PARVA: variants seen among roughly 807,000 people sequenced by gnomAD.
The protein encoded by PARVA is parvin alpha.
Under a neutral mutation model 52.6 loss-of-function variants are expected in PARVA, and 25 were observed. The observed-to-expected ratio is 0.48, with a 90% CI of 0.35 to 0.66. The LOEUF (loss-of-function observed/expected upper bound fraction) is 0.66, where lower values mean the gene tolerates loss of function less well. Among genes scored for constraint, PARVA ranks in the 30% least tolerant of loss-of-function variants. The pLI is 0.01. For synonymous variants in PARVA, 185 were observed against 179.1 expected (o/e 1.03, Z -0.26); for missense variants, 373 against 450.9 (o/e 0.83, Z 1.56).
At chr11:12,476,090 G>C (rs182559772) in intron 3 of PARVA, among the ~76,000 whole-genome samples, 1 of 152,302 alleles carries the variant, frequency 6.6e-6, no homozygotes, top group Admixed American at 6.5e-5. Context: ...AGACCTCTAA[G>C]GGTAAGGACG....
At chr11:12,427,155 A>G (rs919548412) in intron 1 of PARVA, among the ~76,000 whole-genome samples, 2 of 152,246 alleles carry the variant, frequency 1.3e-5, no homozygotes, top group Non-Finnish European at 2.9e-5. Flanking sequence ...AGAGCTACTG[A>G]ATGAGAAAGG....
At chr11:12,462,938 G>A (rs1433119146) in intron 1 of PARVA, among the ~76,000 whole-genome samples, 1 of 152,072 alleles carries the variant, frequency 6.6e-6, no homozygotes, top group African/African-American at 2.4e-5. Context: ...CTTCTACAGA[G>A]CTTAGTCAGA....
rs528518382 is a variant in PARVA, at chr11:12,512,374, A to G, written c.736+841A>G. Among the ~76,000 whole-genome samples, 4 of 152,250 alleles carry G rather than the reference A, an allele frequency of 2.6e-5. No homozygotes were observed. The East Asian group carries it at 7.8e-4, about 30-fold the overall frequency. The stretch of plus-strand genomic sequence containing the variant: ...TTTATGAAGTCCATGAATGTTAGGG[A>G]TCACCATCCCCTTCCTGGTAGTCTC... On this transcript the variant is annotated intron_variant, in intron 8 of 12. Coordinates refer to ENST00000334956, the MANE Select transcript of PARVA (RefSeq NM_018222.5).
In PARVA at chr11:12,486,854, A is replaced by G. The variant is rs189030275; in HGVS notation, c.400+8905A>G. The stretch of plus-strand genomic sequence containing the variant: ...AAGTGAGACTCTGTCTCAAAACAAT[A>G]AATAAAATAAAGGAAGAAGATGAAG... On this transcript the variant is annotated intron_variant, in intron 4 of 12. Transcript: ENST00000334956. Among the ~76,000 whole-genome samples the G allele has an allele frequency of 3.8e-4, 58 of 152,314 alleles. 1 individual carries two copies. Among genetic ancestry groups the G allele is most frequent in the Admixed American group, 2.7e-3 (41 of 15,312 alleles).
intron 4 of PARVA, among the ~76,000 whole-genome samples, chr11:12,490,245 G>A (rs561311459): frequency 2.0e-4 from 29 of 147,398 alleles, no homozygotes; most frequent in Admixed American, 6.8e-4. Flanking sequence ...TAGGAGAGGC[G>A]GGGCTCAGTG....
At chr11:12,434,668 A>G (rs188543076) in intron 1 of PARVA, among the ~76,000 whole-genome samples, 4,759 of 152,198 alleles carry the variant, frequency 0.031, 233 homozygotes, top group African/African-American at 0.11. Flanking sequence ...ACTTGCTCTC[A>G]GCCTCTAGCT....
chr11:12,486,666 TAAAACCTCATTTCTACTAAAAATACA>T (rs1377829565), intron 4 of PARVA, among the ~76,000 whole-genome samples: 1 of 151,984 alleles, frequency 6.6e-6, no homozygotes, highest in African/African-American at 2.4e-5. Context: ...ACCAACATGA[TAAAACCTCATTTCTACTAAAAATACA>T]AAAATTAGTG....
At chr11:12,443,767 G>A (rs1940504303) in intron 1 of PARVA, among the ~76,000 whole-genome samples, 1 of 152,076 alleles carries the variant, frequency 6.6e-6, no homozygotes, top group Non-Finnish European at 1.5e-5. Flanking sequence ...TCCCTTGCCT[G>A]TACCCTTAGG....
intron 1 of PARVA, among the ~76,000 whole-genome samples, chr11:12,439,902 T>C (rs1285581728): frequency 1.3e-5 from 2 of 152,216 alleles, no homozygotes; most frequent in Middle Eastern, 3.2e-3. Context: ...ACAACCCTTC[T>C]TAGAGAGGCC....
chr11:12,387,402 C>A (rs1589937276), intron 1 of PARVA, among the ~76,000 whole-genome samples: 1 of 152,120 alleles, frequency 6.6e-6, no homozygotes. Flanking sequence ...AGTACTTAAC[C>A]AGTGCTCCCT....
Position 12,476,415 on chromosome 11 carries a change from G to A in PARVA, c.298-1432G>A, listed in dbSNP as rs189019501. 1.5e-4 allele frequency among the ~76,000 whole-genome samples: 23 copies of A among 152,060 alleles called. No homozygotes were observed. In the East Asian group the frequency reaches 2.3e-3, roughly 15 times the overall value. ...GATGAAGGTTTGAGGCCAGAAGTTC[G>A]AGGCTATAGTGCACTATGATTGCAC... On this transcript the variant is annotated intron_variant, in intron 3 of 12. Transcript: ENST00000334956.
At chr11:12,445,258 A>G (rs559672293) in intron 1 of PARVA, among the ~76,000 whole-genome samples, 3 of 152,288 alleles carry the variant, frequency 2.0e-5, no homozygotes, top group Non-Finnish European at 4.4e-5. Context: ...GGGGCTGGGA[A>G]CTGTGGGGAG....
chr11:12,426,628 T>C (rs917564876), intron 1 of PARVA, among the ~76,000 whole-genome samples: 6 of 152,214 alleles, frequency 3.9e-5, no homozygotes, highest in Non-Finnish European at 5.9e-5. Flanking sequence ...AATATGCTCA[T>C]TTTCAGTGGA....
intron 1 of PARVA, among the ~76,000 whole-genome samples, chr11:12,400,431 A>G (rs1048668326): frequency 2.6e-5 from 4 of 152,230 alleles, no homozygotes; most frequent in Non-Finnish European, 5.9e-5. Context: ...GGGCAAGTCA[A>G]TGTGTGTAGA....
At chr11:12,517,823 A>G (rs1941589592) in intron 11 of PARVA, 112 bp downstream of exon 11, 5 of 724,202 alleles carry the variant, frequency 6.9e-6, no homozygotes, top group South Asian at 4.9e-5. Context: ...CCTCTGCTCA[A>G]CGTCTTCAGT....
At chr11:12,459,762 CAT>C (rs774375076) in intron 1 of PARVA, among the ~76,000 whole-genome samples, 16 of 152,232 alleles carry the variant, frequency 1.1e-4, no homozygotes, top group African/African-American at 1.4e-4. Flanking sequence ...ATATATAAAA[CAT>C]AGACACACTT....
chr11:12,437,997 A>G (rs1193343663), intron 1 of PARVA, among the ~76,000 whole-genome samples: 1 of 152,182 alleles, frequency 6.6e-6, no homozygotes, highest in Admixed American at 6.5e-5. Context: ...GCAGTGGCTT[A>G]CGTCTGTAAT....
At chr11:12,525,020 G>T (rs976810375) in intron 12 of PARVA, among the ~76,000 whole-genome samples, 2 of 152,178 alleles carry the variant, frequency 1.3e-5, no homozygotes, top group Non-Finnish European at 2.9e-5. Flanking sequence ...CCAGCTATTT[G>T]GGAAGAGTGA....
At position 12,527,736 on chromosome 11, in the gene PARVA, G is replaced by A. The variant is rs59460069; in HGVS notation, c.1043-113G>A. 9.5e-3 allele frequency: 7,805 copies of A among 825,662 alleles called. 111 individuals are homozygous for A. Among genetic ancestry groups the A allele is most frequent in the African/African-American group, 0.046 (2,763 of 60,330 alleles). 51.1% of individuals were successfully genotyped at this position (825,662 alleles called of 1,614,324 possible). A position where few individuals can be genotyped will look rare whatever the true frequency, so the allele number is the denominator to read the frequency against. ...GCTGCCCACTCTACCCATCTGCCCC[G>A]AACATGCTGGGTACATGGGATTGGG... On this transcript the variant is annotated intron_variant, in intron 12 of 12. Coordinates refer to ENST00000334956, the MANE Select transcript of PARVA (RefSeq NM_018222.5).
Sources: gnomAD v4.1 joint callset for allele counts (sites outside exome capture counted in the v4.1 genomes callset) on GRCh38, gnomAD v4.1.1 for gene constraint, MANE v1.5 for transcripts, NCBI Gene and HGNC (gene_info 2026-07-23, HGNC 2026-07-21) for gene names.